The following C22orf23 variants were observed in gnomAD, a reference collection of about 807,000 sequenced individuals.
C22orf23 encodes the protein UPF0193 protein EVG1.
C22orf23 carries 30 observed loss-of-function variants against 29.7 expected under a neutral mutation model. That is an observed-to-expected ratio of 1.01 (90% CI 0.76 to 1.37). C22orf23 has a LOEUF of 1.37. Ranked by LOEUF, C22orf23 falls within the 40% of genes most tolerant of loss-of-function variation. C22orf23 has a pLI of 0.00. For synonymous variants in C22orf23, 90 were observed against 96.1 expected (o/e 0.94, Z 0.37); for missense variants, 237 against 273.1 (o/e 0.87, Z 0.93).
chr22:37,944,988 C>T (rs969063597), intron 5 of C22orf23, 54 bp downstream of exon 5: 3 of 1,532,480 alleles, frequency 2.0e-6, no homozygotes, highest in Non-Finnish European at 2.6e-6. Flanking sequence ...CAATTCTGGG[C>T]CCCCTCCTCA....
chr22:37,946,611 C>T (rs777648093), intron 4 of C22orf23, among the ~76,000 whole-genome samples: 13 of 148,008 alleles, frequency 8.8e-5, no homozygotes, highest in East Asian at 8.0e-4. Context: ...CGGGAGCGGT[C>T]GTTTGTGCCT....
intron 5 of C22orf23, 62 bp downstream of exon 5, chr22:37,944,980 A>G: frequency 2.0e-6 from 3 of 1,526,100 alleles, no homozygotes; most frequent in Non-Finnish European, 2.6e-6. Context: ...GCTCCATCCA[A>G]TTCTGGGCCC....
In C22orf23 at chr22:37,945,036, T is replaced by G. The variant is rs756465652; in HGVS notation, c.481+6A>C. ...CCCCAGCATGACTGGTCCGTCGGAG[T>G]CTTACGCTCTTCAAATCGGTCTAGC... On this transcript the variant is annotated splice_donor_region_variant and intron_variant, in intron 5 of 6. Transcript: ENST00000403305. 1 of 1,600,176 alleles carries G rather than the reference T, an allele frequency of 6.2e-7. No individual in the cohort carries two copies. The highest frequency in any genetic ancestry group is 1.1e-5 in the South Asian group (1 of 89,098).
chr22:37,944,942 G>T, intron 5 of C22orf23, 100 bp downstream of exon 5: 1 of 1,167,000 alleles, frequency 8.6e-7, no homozygotes, highest in Non-Finnish European at 1.2e-6. Context: ...TCACTTGTTG[G>T]CCCTTGGCCC....
chr22:37,949,571 G>A (rs374829683), intron 3 of C22orf23, among the ~76,000 whole-genome samples: 1 of 146,938 alleles, frequency 6.8e-6, no homozygotes, highest in South Asian at 2.2e-4. Context: ...CTATTCTCCC[G>A]CTTCAGCTTC....
At chr22:37,944,899 AAAATAAATAAAT>A in intron 5 of C22orf23, 131 bp downstream of exon 5, 1 of 917,366 alleles carries the variant, frequency 1.1e-6, no homozygotes, top group South Asian at 2.0e-5. Flanking sequence ...AGACTGTCTC[AAAATAAATAAAT>A]AAATAAATAA....
rs1463638142 is a variant in C22orf23 at position 37,944,523 on chromosome 22, C to G, written c.482-6G>C. The G allele has an allele frequency of 1.2e-6, 2 of 1,612,824 alleles. No individual in the cohort carries two copies. Among genetic ancestry groups the G allele is most frequent in the South Asian group, 2.2e-5 (2 of 91,040 alleles). ...CTCCTGGATTTCCTTCACCACTGGACAGAGGAGAGGGCTGTCAGGTTCCCA... is the reference window on the plus strand; with the variant it reads ...CTCCTGGATTTCCTTCACCACTGGAGAGAGGAGAGGGCTGTCAGGTTCCCA... On this transcript the variant is annotated splice_region_variant and splice_polypyrimidine_tract_variant and intron_variant, in intron 5 of 6. Coordinates refer to ENST00000403305, the MANE Select transcript of C22orf23 (RefSeq NM_032561.5).
chr22:37,947,873 G>A (rs776621244), intron 3 of C22orf23, among the ~76,000 whole-genome samples: 14 of 151,530 alleles, frequency 9.2e-5, no homozygotes, highest in Admixed American at 8.5e-4. Flanking sequence ...TTGGGAGGCC[G>A]AGATGGGTAA....
At chr22:37,953,332 A>G (rs1931189445) in intron 1 of C22orf23, 116 bp downstream of exon 1, 1 of 595,340 alleles carries the variant, frequency 1.7e-6, no homozygotes, top group East Asian at 2.8e-5. Context: ...ATACACACAC[A>G]CAGTCCTCAT....
At position 37,953,122 on chromosome 22, in the gene C22orf23, C is replaced by A. The variant is rs1330495070; in HGVS notation, c.28G>T (p.Val10Leu). MASQKQMEV[V>L]TKGTGFRRRP... ...CGCCGGAACCCAGTTCCTTTGGTCA[C>A]TACCTCCATCTGCTTCTGTGAAGCC... Residue 10 changes from valine (V) to leucine (L), a missense_variant, in exon 2 of 7, where the codon GTG (valine) becomes TTG (leucine). Coordinates refer to ENST00000403305, the MANE Select transcript of C22orf23 (RefSeq NM_032561.5). The A allele has an allele frequency of 6.2e-7, 1 of 1,613,996 alleles. No individual in the cohort carries two copies. Among genetic ancestry groups the A allele is most frequent in the Non-Finnish European group, 8.5e-7 (1 of 1,179,936 alleles).
chr22:37,953,375 T>A (rs1931192911), intron 1 of C22orf23, 73 bp downstream of exon 1: 1 of 576,932 alleles, frequency 1.7e-6, no homozygotes. Context: ...GGAAGTCTCC[T>A]CGGGAGGGAG....
chr22:37,947,554 A>G (rs1378329336), intron 3 of C22orf23, 91 bp from the exon 4 acceptor site: 6 of 1,120,920 alleles, frequency 5.4e-6, no homozygotes, highest in Middle Eastern at 3.0e-4. Context: ...TCTGTCACTC[A>G]GGCTGGAGTG....
chr22:37,947,285 G>A lies in C22orf23; in HGVS notation c.345C>T (p.Ala115=), dbSNP rs1205600729. The A allele has an allele frequency of 6.2e-7, 1 of 1,613,818 alleles. No individual in the cohort carries two copies. The highest frequency in any genetic ancestry group is 8.5e-7 in the Non-Finnish European group (1 of 1,180,004). ...AYSREQFKPQ[A]TRDLEKEKQR... Reference sequence around the variant, plus strand: ...CTAGCTGAGACCCTCACTTACTGGTGGCTTGAGGCTTGAACTGCTCCCGGC... The same window carrying A: ...CTAGCTGAGACCCTCACTTACTGGTAGCTTGAGGCTTGAACTGCTCCCGGC... Residue 115 remains alanine (A), a synonymous_variant, in exon 4 of 7, where the codon GCC becomes GCT. Transcript: ENST00000403305.
Position 37,943,563 on chromosome 22 carries a change from G to A in C22orf23, c.*612C>T, listed in dbSNP as rs1601844444. 6.4e-6 allele frequency: 1 copy of A among 157,230 alleles called. No homozygotes were observed. Among genetic ancestry groups the A allele is most frequent in the Middle Eastern group, 3.3e-3 (1 of 304 alleles). The allele number at this position is 157,230 out of a possible 1,614,324, so 9.7% of individuals were successfully genotyped here. On this transcript the variant is annotated 3_prime_UTR_variant, in exon 7 of 7. Transcript: ENST00000403305. ...GGTTTATTGAGATCATTAACAGAGT[G>A]GAATTCAGCACCCGCCACAGCAGCC...
At chr22:37,947,590 A>T in intron 3 of C22orf23, 127 bp from the exon 4 acceptor site, 1 of 727,444 alleles carries the variant, frequency 1.4e-6, no homozygotes. Context: ...GGCTTACTGC[A>T]ACCTCTGCCT....
intron 2 of C22orf23, 130 bp from the exon 3 acceptor site, chr22:37,951,652 G>A: frequency 1.6e-6 from 1 of 644,832 alleles, no homozygotes; most frequent in East Asian, 2.8e-5. Flanking sequence ...TATCTTTCCT[G>A]CTTCGTTTTT....
chr22:37,952,776 G>A, intron 2 of C22orf23: 1 of 377,562 alleles, frequency 2.6e-6, no homozygotes, highest in Admixed American at 4.4e-5. Context: ...CACAGCAGGA[G>A]GTGAGCGGCA....
At chr22:37,948,474 AGCTGG>A (rs1260710940) in intron 3 of C22orf23, among the ~76,000 whole-genome samples, 1 of 151,874 alleles carries the variant, frequency 6.6e-6, no homozygotes, top group Non-Finnish European at 1.5e-5. Flanking sequence ...AACAAAAATT[AGCTGG>A]GCGTGGTGAT....
chr22:37,950,778 C>T (rs1050211467), intron 3 of C22orf23, among the ~76,000 whole-genome samples: 4 of 151,914 alleles, frequency 2.6e-5, no homozygotes, highest in South Asian at 2.1e-4. Flanking sequence ...TGGTGGCGCA[C>T]GCCTGTAATC....
Sources: gnomAD v4.1 joint callset for allele counts (sites outside exome capture counted in the v4.1 genomes callset) on GRCh38, gnomAD v4.1.1 for gene constraint, MANE v1.5 for transcripts, NCBI Gene and HGNC (gene_info 2026-07-23, HGNC 2026-07-21) for gene names.